Variants in ACBD6 observed in about 807,000 individuals in gnomAD.
ACBD6 encodes the protein acyl-CoA binding domain containing 6.
In ACBD6, 28 loss-of-function variants were observed where a neutral mutation model predicts 37.2. The ratio of observed to expected loss-of-function variants is 0.75; its 90% CI spans 0.56 to 1.03. The LOEUF is 1.03. Ranked by LOEUF, ACBD6 falls within the 50% of genes least tolerant of loss-of-function variation. ACBD6 has a pLI of 0.00. For synonymous variants in ACBD6, 113 were observed against 126.8 expected, an observed-to-expected ratio of 0.89 and a Z score of 0.73; for missense variants, 340 against 337.4, an observed-to-expected ratio of 1.01 and a Z score of -0.06.
chr1:180,384,187 C>T (rs377606764), intron 6 of ACBD6, among the ~76,000 whole-genome samples: 2 of 151,378 alleles, frequency 1.3e-5, no homozygotes, highest in South Asian at 4.2e-4. Context: ...TACAAAGCTT[C>T]TGCACAGCAA....
intron 6 of ACBD6, among the ~76,000 whole-genome samples, chr1:180,378,861 C>G (rs1477058322): frequency 6.6e-6 from 1 of 152,190 alleles, no homozygotes; most frequent in African/African-American, 2.4e-5. Flanking sequence ...TGGGGACCCT[C>G]TGCTTGGGTC....
chr1:180,288,992 T>C (rs1426535304), intron 7 of ACBD6, among the ~76,000 whole-genome samples: 1 of 150,992 alleles, frequency 6.6e-6, no homozygotes, highest in Non-Finnish European at 1.5e-5. Context: ...TGTAAATTTT[T>C]TAAAAAAAAG....
At chr1:180,495,359 G>A in intron 2 of ACBD6, 102 bp downstream of exon 2, 1 of 822,772 alleles carries the variant, frequency 1.2e-6, no homozygotes, top group Non-Finnish European at 1.9e-6. Context: ...CAGAGAGAGA[G>A]ATTAATATAA....
At chr1:180,281,813 G>A (rs1213400068) in intron 8 of ACBD6, among the ~76,000 whole-genome samples, 3 of 152,130 alleles carry the variant, frequency 2.0e-5, no homozygotes, top group African/African-American at 7.2e-5. Flanking sequence ...TAGGAAAAGG[G>A]AAATTTTATT....
At chr1:180,476,358 T>C (rs540153867) in intron 3 of ACBD6, among the ~76,000 whole-genome samples, 2 of 152,344 alleles carry the variant, frequency 1.3e-5, no homozygotes, top group East Asian at 3.9e-4. Context: ...AAGCTTTGCA[T>C]TCCAATAATG....
intron 6 of ACBD6, among the ~76,000 whole-genome samples, chr1:180,395,462 T>C (rs541745114): frequency 2.6e-5 from 4 of 152,192 alleles, no homozygotes; most frequent in Non-Finnish European, 5.9e-5. Flanking sequence ...ACCAGTGTTG[T>C]GTGATTTTTT....
intron 3 of ACBD6, among the ~76,000 whole-genome samples, chr1:180,480,810 G>GA (rs1651003665): frequency 1.3e-5 from 2 of 152,014 alleles, no homozygotes; most frequent in Non-Finnish European, 2.9e-5. Context: ...GTGGGTGGAT[G>GA]ACTTGAGGTC....
intron 3 of ACBD6, among the ~76,000 whole-genome samples, chr1:180,490,785 C>CAAAA (rs78365337): frequency 2.7e-5 from 2 of 75,464 alleles, no homozygotes; most frequent in Non-Finnish European, 5.7e-5. Context: ...GACTCTGTCT[C>CAAAA]AAAAAAAAAA....
chr1:180,402,958 T>C (rs954863982), intron 5 of ACBD6, among the ~76,000 whole-genome samples: 1 of 152,110 alleles, frequency 6.6e-6, no homozygotes, highest in Admixed American at 6.6e-5. Flanking sequence ...AGCCCAGGTA[T>C]CCATCATAAG....
chr1:180,295,584 A>C (rs1373101111), intron 7 of ACBD6, among the ~76,000 whole-genome samples: 1 of 151,996 alleles, frequency 6.6e-6, no homozygotes, highest in Admixed American at 6.6e-5. Context: ...CCATTTTCCC[A>C]ACAGCATTTG....
chr1:180,343,725 T>A (rs974381429), intron 6 of ACBD6, among the ~76,000 whole-genome samples: 1 of 152,178 alleles, frequency 6.6e-6, no homozygotes, highest in African/African-American at 2.4e-5. Context: ...ATCCTTTGTA[T>A]CTGCACAAAA....
chr1:180,313,470 C>G (rs537526596), intron 7 of ACBD6, among the ~76,000 whole-genome samples: 2 of 152,206 alleles, frequency 1.3e-5, no homozygotes, highest in Non-Finnish European at 2.9e-5. Flanking sequence ...GAAACACTAT[C>G]AGCTTGAAAT....
chr1:180,291,393 A>AT (rs1417578823), intron 7 of ACBD6, among the ~76,000 whole-genome samples: 2 of 152,178 alleles, frequency 1.3e-5, no homozygotes, highest in East Asian at 1.9e-4. Flanking sequence ...TATTAAAAAT[A>AT]TTTTTTAGCC....
downstream of ACBD6, chr1:180,288,108 G>A: frequency 2.2e-6 from 1 of 455,764 alleles, no homozygotes; most frequent in Non-Finnish European, 4.0e-6. Context: ...CTCTAAAGCA[G>A]TGATAAATTT....
chr1:180,332,929 T>A (rs941889266), intron 6 of ACBD6, among the ~76,000 whole-genome samples: 4 of 152,158 alleles, frequency 2.6e-5, no homozygotes, highest in African/African-American at 7.2e-5. Flanking sequence ...TCTTACTGTT[T>A]TTAGAATAAA....
intron 7 of ACBD6, among the ~76,000 whole-genome samples, chr1:180,312,822 A>G (rs1427508979): frequency 6.6e-6 from 1 of 152,222 alleles, no homozygotes; most frequent in Non-Finnish European, 1.5e-5. Flanking sequence ...TTAACTCATT[A>G]TAACAAATCT....
At chr1:180,289,475 G>C (rs906756445) in intron 7 of ACBD6, among the ~76,000 whole-genome samples, 1 of 152,170 alleles carries the variant, frequency 6.6e-6, no homozygotes, top group African/African-American at 2.4e-5. Context: ...CTGGAGCAGA[G>C]AAACCCCTTT....
chr1:180,402,190 G>A (rs1647401099), intron 5 of ACBD6, among the ~76,000 whole-genome samples: 1 of 152,038 alleles, frequency 6.6e-6, no homozygotes, highest in Non-Finnish European at 1.5e-5. Context: ...GCCATAGTGA[G>A]AACTCCCCTA....
At position 180,288,304 on chromosome 1, in the gene ACBD6, G is replaced by GT; in HGVS notation, c.*58dup. 2 of 1,608,658 alleles carry GT rather than the reference G, an allele frequency of 1.2e-6. No individual in the cohort carries two copies. Among genetic ancestry groups the GT allele is most frequent in the Non-Finnish European group, 1.7e-6 (2 of 1,176,910 alleles). On this transcript the variant is annotated 3_prime_UTR_variant, in exon 8 of 8. Transcript: ENST00000367595. ...GTGGAAAAGAAGTATTATTTTTGTA[G>GT]TTTTCTTTCATAATGGAAGCCTTAT...
Sources: gnomAD v4.1 joint callset for allele counts (sites outside exome capture counted in the v4.1 genomes callset) on GRCh38, gnomAD v4.1.1 for gene constraint, MANE v1.5 for transcripts, NCBI Gene and HGNC (gene_info 2026-07-23, HGNC 2026-07-21) for gene names.